CHST7: variants seen among roughly 807,000 people sequenced by gnomAD.
CHST7 encodes the protein carbohydrate sulfotransferase 7.
Under a neutral mutation model 9.0 loss-of-function variants are expected in CHST7, and 5 were observed. That is an observed-to-expected ratio of 0.56 (90% CI 0.29 to 1.17). The LOEUF (loss-of-function observed/expected upper bound fraction) is 1.17, where lower values mean the gene tolerates loss of function less well. Among genes scored for constraint, CHST7 ranks in the 50% most tolerant of loss-of-function variants. The probability of loss-of-function intolerance (pLI) is 0.08; values close to 1 mark genes in which losing one functional copy is unlikely to be tolerated. For missense variants in CHST7, 377 were observed against 485.1 expected (o/e 0.78, Z 2.09); for synonymous variants, 244 against 237.1 (o/e 1.03, Z -0.27).
intron 1 of CHST7, among the ~76,000 whole-genome samples, chrX:46,588,448 A>T (rs1215926297): frequency 9.0e-6 from 1 of 111,391 alleles, no homozygotes; most frequent in Non-Finnish European, 1.9e-5. Context: ...CAAAGATTGA[A>T]GAAAGTATGA....
chrX:46,583,143 T>G (rs1189534178), intron 1 of CHST7, among the ~76,000 whole-genome samples: 1 of 111,735 alleles, frequency 8.9e-6, no homozygotes, highest in Non-Finnish European at 1.9e-5. Context: ...CTGGCCTCAC[T>G]TTTTTGTGTC....
At chrX:46,578,405 C>T (rs1942509937) in intron 1 of CHST7, among the ~76,000 whole-genome samples, 1 of 104,294 alleles carries the variant, frequency 9.6e-6, no homozygotes, top group Admixed American at 1.1e-4. Flanking sequence ...GCCTCCCAAG[C>T]ATCTGGGCCC....
intron 1 of CHST7, among the ~76,000 whole-genome samples, chrX:46,592,348 CTGTTTTTGTT>C (rs942803767): frequency 6.3e-5 from 7 of 111,203 alleles, no homozygotes; most frequent in Admixed American, 1.9e-4. Flanking sequence ...TGTTTGTTTT[CTGTTTTTGTT>C]TGTTTTTGTT....
intron 1 of CHST7, among the ~76,000 whole-genome samples, chrX:46,586,806 G>T: frequency 9.1e-6 from 1 of 109,723 alleles, no homozygotes; most frequent in South Asian, 4.0e-4. Context: ...CACGATCTCG[G>T]TTCACCACAA....
chrX:46,598,298 G>A lies in CHST7; in HGVS notation c.*570G>A, dbSNP rs1232106960. 2 of 112,102 alleles carry A rather than the reference G, an allele frequency of 1.8e-5. No individual in the cohort carries two copies. The highest frequency in any genetic ancestry group is 3.8e-5 in the Non-Finnish European group (2 of 53,207). 9.2% of individuals were successfully genotyped at this position (112,102 alleles called of 1,213,427 possible). On this transcript the variant is annotated 3_prime_UTR_variant, in exon 2 of 2. Transcript: ENST00000276055. ...TTAAAAAGAAGTAATTTTTCTCCCT[G>A]GGCTGGGAAAACCCTAATGAACTGA...
intron 1 of CHST7, among the ~76,000 whole-genome samples, chrX:46,579,181 G>C (rs1942513719): frequency 8.9e-6 from 1 of 111,929 alleles, no homozygotes; most frequent in Middle Eastern, 4.6e-3. Context: ...GCTTGCCACA[G>C]TAATTTATGT....
intron 1 of CHST7, among the ~76,000 whole-genome samples, chrX:46,582,994 T>C (rs1460176783): frequency 9.2e-6 from 1 of 108,796 alleles, no homozygotes; most frequent in East Asian, 2.8e-4. Flanking sequence ...CCCATGAATA[T>C]GAATGTAATA....
rs773697310 is a variant in CHST7 at position 46,574,445 on chromosome X, G to C, written c.514G>C (p.Ala172Pro). The part of the protein sequence containing the change: ...RCDFSVLRLY[A>P]PPGDPAARAP... The stretch of plus-strand genomic sequence containing the variant: ...CGACTTCTCCGTGCTGCGGCTGTAC[G>C]CGCCGCCGGGGGACCCCGCTGCGCG... The change falls in exon 1 of 2, where the codon GCG (alanine) becomes CCG (proline). Residue 172 changes from alanine to proline, a missense_variant. Ala to Pro is a conservative substitution (Grantham distance 27). Transcript: ENST00000276055. 1 of 1,205,730 alleles carries C rather than the reference G, an allele frequency of 8.3e-7. No individual in the cohort carries two copies. The highest frequency in any genetic ancestry group is 1.7e-5 in the African/African-American group (1 of 57,202).
chrX:46,597,702 T>A (rs1396562524), intron 1 of CHST7, 58 bp from the exon 2 acceptor site: 4 of 112,956 alleles, frequency 3.5e-5, no homozygotes, highest in Non-Finnish European at 5.6e-5. Flanking sequence ...CAACAGACTT[T>A]CTTTCTGGGG....
At chrX:46,586,945 G>T in intron 1 of CHST7, among the ~76,000 whole-genome samples, 2 of 110,724 alleles carry the variant, frequency 1.8e-5, no homozygotes, top group Non-Finnish European at 3.8e-5. Flanking sequence ...ATGTTGGTCA[G>T]GCTGGTCTCA....
At chrX:46,579,936 G>A (rs1942516955) in intron 1 of CHST7, among the ~76,000 whole-genome samples, 1 of 111,146 alleles carries the variant, frequency 9.0e-6, no homozygotes, top group Non-Finnish European at 1.9e-5. Flanking sequence ...AGGCTGCAAT[G>A]AGCTGTGATC....
chrX:46,591,922 C>T (rs1942575213), intron 1 of CHST7, among the ~76,000 whole-genome samples: 1 of 110,498 alleles, frequency 9.0e-6, no homozygotes, highest in African/African-American at 3.3e-5. Context: ...CTATGTCCAT[C>T]TGTTCTCATT....
At chrX:46,586,122 G>A (rs1302189501) in intron 1 of CHST7, among the ~76,000 whole-genome samples, 2 of 111,576 alleles carry the variant, frequency 1.8e-5, no homozygotes, top group African/African-American at 3.3e-5. Context: ...TCCTTAGTGC[G>A]GCCACCTCCA....
At position 46,573,831 on chromosome X, in the gene CHST7, C is replaced by T; in HGVS notation, c.-101C>T. The T allele has an allele frequency of 9.2e-7, 1 of 1,090,755 alleles. No homozygotes were observed. The highest frequency in any genetic ancestry group is 1.2e-6 in the Non-Finnish European group (1 of 835,100). 89.9% of individuals were successfully genotyped at this position (1,090,755 alleles called of 1,213,427 possible). A position where few individuals can be genotyped will look rare whatever the true frequency, so the allele number is the denominator to read the frequency against. On this transcript the variant is annotated 5_prime_UTR_variant, in exon 1 of 2. Transcript: ENST00000276055. ...GGCCCCGCGGCTCTGCTCCTCCCGG[C>T]GCAGAGGGGCCGGGAGAGGCCACAG...
chrX:46,598,384 C>A lies in CHST7; in HGVS notation c.*656C>A, dbSNP rs1379437969. ...TTTTTGTAATCATACTATTAAATGA[C>A]TCTGGAGTCATGTTAATGACAGGAT... On this transcript the variant is annotated 3_prime_UTR_variant, in exon 2 of 2. Transcript: ENST00000276055. 8.9e-6 allele frequency: 1 copy of A among 112,346 alleles called. No individual in the cohort carries two copies. The highest frequency in any genetic ancestry group is 1.9e-5 in the Non-Finnish European group (1 of 53,287). 9.3% of individuals were successfully genotyped at this position (112,346 alleles called of 1,213,427 possible). A position where few individuals can be genotyped will look rare whatever the true frequency, so the allele number is the denominator to read the frequency against.
intron 1 of CHST7, among the ~76,000 whole-genome samples, chrX:46,596,398 G>C (rs1942594100): frequency 9.1e-6 from 1 of 110,364 alleles, no homozygotes; most frequent in South Asian, 3.9e-4. Flanking sequence ...CATTCCCTCT[G>C]AAACACGTGT....
At chrX:46,586,320 A>G (rs990142964) in intron 1 of CHST7, among the ~76,000 whole-genome samples, 1 of 112,354 alleles carries the variant, frequency 8.9e-6, no homozygotes, top group African/African-American at 3.2e-5. Flanking sequence ...GCTGGTCCAT[A>G]GATTCTGTAC....
intron 1 of CHST7, among the ~76,000 whole-genome samples, chrX:46,590,584 A>ACC (rs1942569054): frequency 9.0e-6 from 1 of 111,576 alleles, no homozygotes; most frequent in Non-Finnish European, 1.9e-5. Context: ...GGTCCAGTGT[A>ACC]CCCTTCAAAT....
At chrX:46,578,416 A>G (rs1392122707) in intron 1 of CHST7, among the ~76,000 whole-genome samples, 1 of 105,524 alleles carries the variant, frequency 9.5e-6, no homozygotes, top group African/African-American at 3.5e-5. Context: ...ATCTGGGCCC[A>G]CAGGTGCGTA....
Sources: allele counts gnomAD v4.1 joint callset (sites outside exome capture counted in the v4.1 genomes callset), GRCh38; gene constraint gnomAD v4.1.1; transcripts MANE v1.5; gene names NCBI Gene and HGNC (gene_info 2026-07-23, HGNC 2026-07-21).